Variants in DCDC2 observed in about 807,000 individuals in gnomAD.
DCDC2 encodes the protein doublecortin domain containing 2.
In DCDC2, 40 loss-of-function variants were observed where a neutral mutation model predicts 50.2. The observed-to-expected ratio is 0.80, with a 90% CI of 0.62 to 1.04. The LOEUF is 1.04. DCDC2 is among the 50% of genes least tolerant of loss of function. The pLI is 0.00. For missense variants in DCDC2, 570 were observed against 581.9 expected, an observed-to-expected ratio of 0.98 and a Z score of 0.21; for synonymous variants, 234 against 210.6, an observed-to-expected ratio of 1.11 and a Z score of -0.96.
At chr6:24,214,714 A>G (rs1179919556) in intron 7 of DCDC2, among the ~76,000 whole-genome samples, 1 of 152,192 alleles carries the variant, frequency 6.6e-6, no homozygotes, top group African/African-American at 2.4e-5. Flanking sequence ...CACCCCAGTG[A>G]CTTGCAGTTA....
At chr6:24,288,821 A>G (rs1393781485) in intron 6 of DCDC2, 31 bp downstream of exon 6, 2 of 1,581,754 alleles carry the variant, frequency 1.3e-6, no homozygotes, top group African/African-American at 2.7e-5. Flanking sequence ...AAAAATATAG[A>G]ACATCAACGA....
At chr6:24,205,505 C>T (rs1360682508) in intron 7 of DCDC2, among the ~76,000 whole-genome samples, 2 of 152,000 alleles carry the variant, frequency 1.3e-5, no homozygotes, top group African/African-American at 4.8e-5. Flanking sequence ...TTACCTTTCC[C>T]AAGAGAATGC....
chr6:24,178,302 C>A (rs759153113), intron 9 of DCDC2, 28 bp downstream of exon 9: 4 of 1,600,500 alleles, frequency 2.5e-6, no homozygotes, highest in Non-Finnish European at 3.4e-6. Context: ...CATGCATTCA[C>A]ATAAGCAAGC....
At chr6:24,310,106 C>T (rs1299534227) in intron 2 of DCDC2, among the ~76,000 whole-genome samples, 1 of 151,998 alleles carries the variant, frequency 6.6e-6, no homozygotes, top group African/African-American at 2.4e-5. Context: ...ACATAATATC[C>T]ATTTTCTTGA....
intron 2 of DCDC2, among the ~76,000 whole-genome samples, chr6:24,336,141 G>A (rs983278088): frequency 6.6e-6 from 1 of 152,198 alleles, no homozygotes; most frequent in African/African-American, 2.4e-5. Flanking sequence ...GTTCAATGGT[G>A]GTGGCAGGAC....
intron 7 of DCDC2, among the ~76,000 whole-genome samples, chr6:24,259,815 G>A (rs1031291958): frequency 6.6e-6 from 1 of 151,938 alleles, no homozygotes; most frequent in Non-Finnish European, 1.5e-5. Flanking sequence ...ACTCTATTCT[G>A]CTACTTGTAA....
At chr6:24,266,305 C>A (rs989966225) in intron 7 of DCDC2, among the ~76,000 whole-genome samples, 15 of 151,972 alleles carry the variant, frequency 9.9e-5, no homozygotes, top group African/African-American at 3.6e-4. Flanking sequence ...TGAGTAATAC[C>A]CCATAAGCAC....
intron 7 of DCDC2, among the ~76,000 whole-genome samples, chr6:24,213,691 C>A (rs984075314): frequency 1.3e-5 from 2 of 152,026 alleles, no homozygotes; most frequent in African/African-American, 4.8e-5. Context: ...GAAAGCATTT[C>A]CAGAAAGGTG....
upstream of DCDC2, among the ~76,000 whole-genome samples, chr6:24,359,419 T>TTATATATATTTTATATATTATATAG (rs1554121873): frequency 4.0e-3 from 204 of 50,896 alleles, 6 homozygotes; most frequent in East Asian, 0.025. Context: ...ATATTATATA[T>TTATATATATTTTATATATTATATAG]TATATATATT....
chr6:24,190,761 T>A (rs1262965528), intron 8 of DCDC2, among the ~76,000 whole-genome samples: 1 of 152,172 alleles, frequency 6.6e-6, no homozygotes, highest in Non-Finnish European at 1.5e-5. Context: ...CTTCCAGCCA[T>A]GAGCAATGTT....
At chr6:24,211,855 C>T (rs886226753) in intron 7 of DCDC2, among the ~76,000 whole-genome samples, 5 of 152,196 alleles carry the variant, frequency 3.3e-5, no homozygotes, top group Non-Finnish European at 1.5e-5. Context: ...TGTTTTAAGG[C>T]ACCATGTTTG....
chr6:24,328,251 G>A (rs1407000222), intron 2 of DCDC2, among the ~76,000 whole-genome samples: 1 of 152,180 alleles, frequency 6.6e-6, no homozygotes, highest in Non-Finnish European at 1.5e-5. Flanking sequence ...GACAACTGAG[G>A]ATTTTAAAGT....
intron 7 of DCDC2, among the ~76,000 whole-genome samples, chr6:24,241,297 C>G (rs572852468): frequency 6.6e-6 from 1 of 152,154 alleles, no homozygotes; most frequent in Non-Finnish European, 1.5e-5. Context: ...TTTTACATTG[C>G]TGCATTTTCT....
chr6:24,310,542 C>A (rs1457802334), intron 2 of DCDC2, among the ~76,000 whole-genome samples: 1 of 152,126 alleles, frequency 6.6e-6, no homozygotes, highest in Non-Finnish European at 1.5e-5. Context: ...GCCTTCCCGG[C>A]TTTTAACCCA....
chr6:24,224,980 A>C (rs1762198148), intron 7 of DCDC2, among the ~76,000 whole-genome samples: 1 of 152,188 alleles, frequency 6.6e-6, no homozygotes, highest in Admixed American at 6.6e-5. Context: ...TTAAAAACAT[A>C]ATAAATGTGT....
intron 7 of DCDC2, among the ~76,000 whole-genome samples, chr6:24,249,694 T>C (rs898851549): frequency 3.9e-5 from 6 of 152,216 alleles, no homozygotes; most frequent in African/African-American, 1.4e-4. Flanking sequence ...TTGTGAATTA[T>C]TTTGAAAACC....
At chr6:24,247,091 T>C (rs1340703927) in intron 7 of DCDC2, among the ~76,000 whole-genome samples, 3 of 152,172 alleles carry the variant, frequency 2.0e-5, no homozygotes, top group Admixed American at 2.0e-4. Flanking sequence ...TACTGCTATG[T>C]TTTGAGGAAT....
chr6:24,223,191 T>C (rs1367396556), intron 7 of DCDC2, among the ~76,000 whole-genome samples: 4 of 152,230 alleles, frequency 2.6e-5, no homozygotes, highest in Non-Finnish European at 5.9e-5. Flanking sequence ...TCATTATGAA[T>C]ACAATTCTAA....
At chr6:24,243,410 A>C (rs1000614061) in intron 7 of DCDC2, among the ~76,000 whole-genome samples, 5 of 152,198 alleles carry the variant, frequency 3.3e-5, no homozygotes, top group African/African-American at 1.2e-4. Flanking sequence ...GATTCTGGGT[A>C]AAGTACCACA....
Sources: allele counts gnomAD v4.1 joint callset (sites outside exome capture counted in the v4.1 genomes callset), GRCh38; gene constraint gnomAD v4.1.1; transcripts MANE v1.5; gene names NCBI Gene and HGNC (gene_info 2026-07-23, HGNC 2026-07-21).